Variants in SMCHD1 observed in about 807,000 individuals in gnomAD.
SMCHD1 encodes the protein structural maintenance of chromosomes flexible hinge domain containing 1, also known as structural maintenance of chromosomes flexible hinge domain-containing protein 1.
SMCHD1 carries 78 observed loss-of-function variants against 254.7 expected under a neutral mutation model. That is an observed-to-expected ratio of 0.31 (90% confidence interval 0.26 to 0.37). The LOEUF is 0.37. SMCHD1 is among the 10% of genes least tolerant of loss of function. The pLI is 1.00. For missense variants in SMCHD1, 1,840 were observed against 2,408.1 expected, an observed-to-expected ratio of 0.76 and a Z score of 4.94; for synonymous variants, 766 against 794.9, an observed-to-expected ratio of 0.96 and a Z score of 0.61.
At chr18:2,759,847 G>A (rs2075756137) in intron 34 of SMCHD1, among the ~76,000 whole-genome samples, 2 of 152,058 alleles carry the variant, frequency 1.3e-5, no homozygotes, top group African/African-American at 4.8e-5. Flanking sequence ...TGGGATTACA[G>A]GCATGAGCCA....
At chr18:2,789,060 C>T (rs551622307) in intron 45 of SMCHD1, among the ~76,000 whole-genome samples, 1 of 152,178 alleles carries the variant, frequency 6.6e-6, no homozygotes, top group Admixed American at 6.5e-5. Context: ...CACTTTGTTG[C>T]CCAGGCTGGA....
intron 17 of SMCHD1, among the ~76,000 whole-genome samples, chr18:2,714,197 A>G (rs1243660718): frequency 6.6e-6 from 1 of 152,160 alleles, no homozygotes; most frequent in Non-Finnish European, 1.5e-5. Context: ...TATATTTAGA[A>G]TTGTTATATC....
At chr18:2,679,424 C>A (rs1459494948) in intron 5 of SMCHD1, among the ~76,000 whole-genome samples, 1 of 131,764 alleles carries the variant, frequency 7.6e-6, no homozygotes, top group Non-Finnish European at 1.6e-5. Flanking sequence ...TGCAGTGAGC[C>A]GAGATGGTGC....
chr18:2,659,161 G>C (rs192838967), intron 1 of SMCHD1, among the ~76,000 whole-genome samples: 55 of 152,104 alleles, frequency 3.6e-4, no homozygotes, highest in African/African-American at 1.3e-3. Flanking sequence ...TCTGTTGCCC[G>C]GGCTGGAGTG....
Position 2,729,299 on chromosome 18 carries a change from G to A in SMCHD1, c.2938G>A (p.Val980Ile), listed in dbSNP as rs755786183. ...GTTTTCAGGTGCTCCAAACCTTCCAGTCTATGTTGTAGATTGCAGTAGTTC... is the reference window on the plus strand; with the variant it reads ...GTTTTCAGGTGCTCCAAACCTTCCAATCTATGTTGTAGATTGCAGTAGTTC... ...CKFSGAPNLP[V>I]YVVDCSSSGT... The change falls in exon 24 of 48, where the codon GTC (valine) becomes ATC (isoleucine). Residue 980 changes from valine to isoleucine, a missense_variant. Coordinates refer to ENST00000320876, the MANE Select transcript of SMCHD1 (RefSeq NM_015295.3). 3.3e-6 allele frequency: 5 copies of A among 1,532,378 alleles called. No homozygotes were observed. Among genetic ancestry groups the A allele is most frequent in the Admixed American group, 2.3e-5 (1 of 44,426 alleles). 94.9% of individuals were successfully genotyped at this position (1,532,378 alleles called of 1,614,324 possible).
intron 33 of SMCHD1, 115 bp from the exon 34 acceptor site, chr18:2,752,373 A>G: frequency 1.4e-6 from 1 of 702,146 alleles, no homozygotes. Flanking sequence ...GTATGTTTAT[A>G]AATGGAATCC....
intron 8 of SMCHD1, among the ~76,000 whole-genome samples, chr18:2,695,134 A>C (rs1284212672): frequency 6.6e-6 from 1 of 152,100 alleles, no homozygotes; most frequent in Non-Finnish European, 1.5e-5. Flanking sequence ...TCAAATGTTT[A>C]TCAAGTGAAT....
intron 3 of SMCHD1, among the ~76,000 whole-genome samples, chr18:2,667,615 T>A (rs2073475457): frequency 6.6e-6 from 1 of 152,232 alleles, no homozygotes; most frequent in African/African-American, 2.4e-5. Context: ...TTTCTCATTA[T>A]ATGTGTATTT....
rs752950626 is a variant in SMCHD1 at position 2,711,481 on chromosome 18, CTTTTTT to C, written c.2260+3575_2260+3580del. ...TGTTATGTATAGTTTGGATGTTTGT[CTTTTTT>C]TTTTTTTTTTTTTGAGACGGAGTCT... On this transcript the variant is annotated intron_variant, in intron 17 of 47. Coordinates refer to ENST00000320876, the MANE Select transcript of SMCHD1 (RefSeq NM_015295.3). Among the ~76,000 whole-genome samples the C allele has an allele frequency of 1.2e-4, 14 of 112,470 alleles. No individual in the cohort carries two copies. In the East Asian group the frequency reaches 3.5e-3, roughly 28 times the overall value. 73.8% of individuals were successfully genotyped at this position (112,470 alleles called of 152,430 possible).
chr18:2,788,664 G>C (rs2076275075), intron 45 of SMCHD1, among the ~76,000 whole-genome samples: 1 of 151,984 alleles, frequency 6.6e-6, no homozygotes, highest in South Asian at 2.1e-4. Flanking sequence ...GAGTGCAGTG[G>C]CTTGATCTAA....
At chr18:2,793,337 A>G (rs999540931) in intron 45 of SMCHD1, among the ~76,000 whole-genome samples, 1 of 152,182 alleles carries the variant, frequency 6.6e-6, no homozygotes, top group Non-Finnish European at 1.5e-5. Context: ...ACTCATTTAC[A>G]TACAAAATAA....
chr18:2,755,116 G>A (rs2075648701), intron 34 of SMCHD1, among the ~76,000 whole-genome samples: 1 of 151,946 alleles, frequency 6.6e-6, no homozygotes, highest in African/African-American at 2.4e-5. Flanking sequence ...GTGCAGTGGT[G>A]CAATCATGGC....
Position 2,750,472 on chromosome 18 carries a change from A to G in SMCHD1, c.4130A>G (p.Lys1377Arg), listed in dbSNP as rs985072806. 4 of 1,609,774 alleles carry G rather than the reference A, an allele frequency of 2.5e-6. No homozygotes were observed. Among genetic ancestry groups the G allele is most frequent in the African/African-American group, 2.7e-5 (2 of 74,974 alleles). The change falls in exon 32 of 48, where the codon AAA (lysine) becomes AGA (arginine). Residue 1377 changes from lysine to arginine, a missense_variant. By Grantham distance (26) the Lys-to-Arg change is conservative (BLOSUM62 2). This residue lies in a region of SMCHD1 where 881 missense variants were observed against 1,009.5 expected (regional missense o/e 0.87). Transcript: ENST00000320876. ...GTTCGTCTCAATGTTAAATATGACA[A>G]AGATGCATCCTTCTTAGCAGGGGGT... is the stretch of plus-strand genomic sequence containing the variant. ...KPVRLNVKYD[K>R]DASFLAGGLF...
At chr18:2,674,522 A>G (rs565151606) in intron 5 of SMCHD1, among the ~76,000 whole-genome samples, 1 of 152,292 alleles carries the variant, frequency 6.6e-6, no homozygotes, top group East Asian at 1.9e-4. Context: ...TGTGGAGCTC[A>G]CTGTTGCTCT....
At chr18:2,737,282 C>T (rs1361018875) in intron 25 of SMCHD1, among the ~76,000 whole-genome samples, 2 of 152,180 alleles carry the variant, frequency 1.3e-5, no homozygotes, top group Non-Finnish European at 2.9e-5. Context: ...GTACTATGCT[C>T]ATTACCTGGG....
intron 47 of SMCHD1, among the ~76,000 whole-genome samples, chr18:2,799,614 A>C (rs1338136226): frequency 2.0e-5 from 3 of 152,218 alleles, no homozygotes. Flanking sequence ...GTCTAATGTC[A>C]TGACTCTTAC....
At chr18:2,662,907 C>A (rs779770994) in intron 1 of SMCHD1, among the ~76,000 whole-genome samples, 1 of 151,512 alleles carries the variant, frequency 6.6e-6, no homozygotes, top group South Asian at 2.1e-4. Context: ...AAATTAATTA[C>A]TTTCTTTATG....
At chr18:2,773,643 C>T (rs1335086424) in intron 41 of SMCHD1, among the ~76,000 whole-genome samples, 1 of 152,024 alleles carries the variant, frequency 6.6e-6, no homozygotes, top group East Asian at 1.9e-4. Context: ...TAGAATAGTC[C>T]GGGCGCGTTG....
chr18:2,712,677 C>T (rs965932679), intron 17 of SMCHD1, among the ~76,000 whole-genome samples: 5 of 152,154 alleles, frequency 3.3e-5, no homozygotes, highest in Non-Finnish European at 5.9e-5. Flanking sequence ...CATTCAAGTC[C>T]GAGTCATCAT....
Sources: allele counts gnomAD v4.1 joint callset (sites outside exome capture counted in the v4.1 genomes callset), GRCh38; gene constraint gnomAD v4.1.1; regional missense constraint gnomAD v4.1.1; transcripts MANE v1.5; gene names NCBI Gene and HGNC (gene_info 2026-07-23, HGNC 2026-07-21).